The following TMEM163 variants were observed in gnomAD, a reference collection of about 807,000 sequenced individuals.
The protein encoded by TMEM163 is transmembrane protein 163.
A neutral mutation model predicts 29.3 loss-of-function variants in TMEM163; 17 were observed. That is an observed-to-expected ratio of 0.58 (90% CI 0.40 to 0.87). The LOEUF (loss-of-function observed/expected upper bound fraction) is 0.87, where lower values mean the gene tolerates loss of function less well. TMEM163 is among the 40% of genes least tolerant of loss of function. The pLI, the probability that TMEM163 is intolerant of heterozygous loss-of-function variation, is 0.00. For missense variants in TMEM163, 303 were observed against 381.5 expected, an observed-to-expected ratio of 0.79 and a Z score of 1.71; for synonymous variants, 157 against 160.6, an observed-to-expected ratio of 0.98 and a Z score of 0.17.
Position 134,595,526 on chromosome 2 carries a change from T to G in TMEM163, c.323-43435A>C, listed in dbSNP as rs569265405. 8.5e-5 allele frequency among the ~76,000 whole-genome samples: 13 copies of G among 152,328 alleles called. No homozygotes were observed. The South Asian group carries it at 2.7e-3, about 32-fold the overall frequency. On this transcript the variant is annotated intron_variant, in intron 2 of 7. Transcript: ENST00000281924. Reference sequence around the variant, plus strand: ...AATCCAGTCTATCATTTTTGGACATTTGGGTTGGTTCCAAGTCTTTGCTAT... The same window carrying G: ...AATCCAGTCTATCATTTTTGGACATGTGGGTTGGTTCCAAGTCTTTGCTAT...
At chr2:134,633,588 G>C (rs1683027838) in intron 2 of TMEM163, among the ~76,000 whole-genome samples, 2 of 152,164 alleles carry the variant, frequency 1.3e-5, no homozygotes, top group Non-Finnish European at 2.9e-5. Context: ...TACAGATTCT[G>C]TACAAAGCTG....
chr2:134,664,469 C>T (rs1357985480), intron 2 of TMEM163, among the ~76,000 whole-genome samples: 1 of 152,166 alleles, frequency 6.6e-6, no homozygotes, highest in East Asian at 1.9e-4. Context: ...ATATATAGGT[C>T]CTAATCCCTG....
chr2:134,484,549 C>A (rs1053139687), intron 5 of TMEM163, among the ~76,000 whole-genome samples: 1 of 152,154 alleles, frequency 6.6e-6, no homozygotes, highest in African/African-American at 2.4e-5. Context: ...TGGCATGTGC[C>A]TGTAGTCCCA....
rs1558971775 is a variant in TMEM163 at position 134,633,991 on chromosome 2, ATATATATATATATATATATATATAT to A, written c.322+79184_322+79208del. Among the ~76,000 whole-genome samples the A allele has an allele frequency of 1.7e-4, 17 of 101,218 alleles. 1 individual carries two copies. Among genetic ancestry groups the A allele is most frequent in the South Asian group, 6.6e-4 (2 of 3,032 alleles). 66.4% of individuals were successfully genotyped at this position (101,218 alleles called of 152,430 possible). ...CATATATATATATATATATATATATATATATATATATATATATATATATATATATAATAGGACTGTTTTAAGATGC... is the reference window on the plus strand; with the variant it reads ...CATATATATATATATATATATATATAATATAATAGGACTGTTTTAAGATGC... On this transcript the variant is annotated intron_variant, in intron 2 of 7. Transcript: ENST00000281924.
intron 7 of TMEM163, among the ~76,000 whole-genome samples, chr2:134,457,216 G>A (rs764618943): frequency 6.6e-5 from 10 of 152,120 alleles, no homozygotes; most frequent in Admixed American, 1.3e-4. Context: ...TTGCTTCTGC[G>A]TTTTGCCTAT....
At chr2:134,694,232 C>T (rs1684533068) in intron 2 of TMEM163, among the ~76,000 whole-genome samples, 1 of 152,150 alleles carries the variant, frequency 6.6e-6, no homozygotes, top group African/African-American at 2.4e-5. Flanking sequence ...GTAAACCATT[C>T]AATTAACCAT....
intron 2 of TMEM163, among the ~76,000 whole-genome samples, chr2:134,647,379 C>A (rs1219213919): frequency 6.6e-6 from 1 of 152,132 alleles, no homozygotes; most frequent in Non-Finnish European, 1.5e-5. Flanking sequence ...GCATCCCTCA[C>A]CTCTCAAAAG....
chr2:134,517,268 G>A (rs891806501), intron 4 of TMEM163, among the ~76,000 whole-genome samples: 1 of 152,118 alleles, frequency 6.6e-6, no homozygotes, highest in African/African-American at 2.4e-5. Flanking sequence ...GAGAACTCTC[G>A]TGGACTTCTC....
At position 134,541,777 on chromosome 2, in the gene TMEM163, C is replaced by CGT. The variant is rs1416298448; in HGVS notation, c.458+8792_458+8793insAC. Among the ~76,000 whole-genome samples, 23 of 26,970 alleles carry CGT rather than the reference C, an allele frequency of 8.5e-4. No homozygotes were observed. In the South Asian group the frequency reaches 0.057, roughly 67 times the overall value. 17.7% of individuals were successfully genotyped at this position (26,970 alleles called of 152,430 possible). A position where few individuals can be genotyped will look rare whatever the true frequency, so the allele number is the denominator to read the frequency against. The stretch of plus-strand genomic sequence containing the variant: ...ATACGTGTGTGTACACACGTGCACA[C>CGT]ACACACACACACACACACACACACA... On this transcript the variant is annotated intron_variant, in intron 4 of 7. Coordinates refer to ENST00000281924, the MANE Select transcript of TMEM163 (RefSeq NM_030923.5).
At chr2:134,572,578 C>A (rs1284490264) in intron 2 of TMEM163, among the ~76,000 whole-genome samples, 1 of 152,108 alleles carries the variant, frequency 6.6e-6, no homozygotes, top group Non-Finnish European at 1.5e-5. Flanking sequence ...TTCACAGAAG[C>A]AGTACTGTGG....
rs369033644 is a variant in TMEM163 at position 134,642,438 on chromosome 2, A to G, written c.322+70762T>C. Among the ~76,000 whole-genome samples, 93 of 152,306 alleles carry G rather than the reference A, an allele frequency of 6.1e-4. 1 individual carries two copies. The South Asian group carries it at 0.019, about 31-fold the overall frequency. ...AGCCACCGCGAACGGCCACCAATCC[A>G]TAATTACAGTTGGAGACTTCAATAC... is the stretch of plus-strand genomic sequence containing the variant. On this transcript the variant is annotated intron_variant, in intron 2 of 7. Coordinates refer to ENST00000281924, the MANE Select transcript of TMEM163 (RefSeq NM_030923.5).
intron 2 of TMEM163, among the ~76,000 whole-genome samples, chr2:134,672,437 C>T (rs892378463): frequency 6.6e-6 from 1 of 152,164 alleles, no homozygotes; most frequent in African/African-American, 2.4e-5. Flanking sequence ...TACACAGGGT[C>T]TCACTCTGTT....
intron 2 of TMEM163, among the ~76,000 whole-genome samples, chr2:134,596,373 C>G (rs1052771249): frequency 1.8e-4 from 27 of 152,258 alleles, no homozygotes; most frequent in Non-Finnish European, 4.4e-5. Context: ...ATAGGGAATC[C>G]TTTCCCCATT....
In TMEM163 at chr2:134,613,860, T is replaced by C. The variant is rs181439444; in HGVS notation, c.323-61769A>G. ...GCCCTAATAAATAACAAAAACCACATTCTTGGTTTGGAAGATTCAACACAG... is the reference window on the plus strand; with the variant it reads ...GCCCTAATAAATAACAAAAACCACACTCTTGGTTTGGAAGATTCAACACAG... On this transcript the variant is annotated intron_variant, in intron 2 of 7. Transcript: ENST00000281924. Among the ~76,000 whole-genome samples the C allele has an allele frequency of 1.5e-3, 221 of 152,288 alleles. 5 individuals carry two copies. The highest frequency in any genetic ancestry group is 0.014 in the Admixed American group (207 of 15,284).
chr2:134,633,988 T>C (rs1456959774), intron 2 of TMEM163, among the ~76,000 whole-genome samples: 3 of 18,654 alleles, frequency 1.6e-4, no homozygotes, highest in Admixed American at 8.5e-4. Flanking sequence ...TATATATATA[T>C]ATATATATAT....
intron 2 of TMEM163, among the ~76,000 whole-genome samples, chr2:134,634,606 A>G (rs1267512177): frequency 1.3e-5 from 2 of 152,196 alleles, no homozygotes; most frequent in Non-Finnish European, 2.9e-5. Flanking sequence ...CCAAGGAGAA[A>G]ATAGGATTAA....
intron 5 of TMEM163, among the ~76,000 whole-genome samples, chr2:134,475,349 C>T (rs1219634738): frequency 6.6e-6 from 1 of 152,066 alleles, no homozygotes; most frequent in African/African-American, 2.4e-5. Context: ...TTATTTCACA[C>T]TATATATAAA....
intron 2 of TMEM163, among the ~76,000 whole-genome samples, chr2:134,655,104 G>C (rs556596498): frequency 2.3e-5 from 3 of 133,260 alleles, no homozygotes; most frequent in Admixed American, 1.5e-4. Context: ...TGCCTTGCTA[G>C]ATTGGTGAAG....
At chr2:134,579,129 T>C (rs1482099191) in intron 2 of TMEM163, among the ~76,000 whole-genome samples, 1 of 152,156 alleles carries the variant, frequency 6.6e-6, no homozygotes, top group East Asian at 1.9e-4. Flanking sequence ...TACAGCAGGC[T>C]GTCATGTGAA....
Sources: allele counts gnomAD v4.1 joint callset (sites outside exome capture counted in the v4.1 genomes callset), GRCh38; gene constraint gnomAD v4.1.1; transcripts MANE v1.5; gene names NCBI Gene and HGNC (gene_info 2026-07-23, HGNC 2026-07-21).